SLC16A7: variants seen among roughly 807,000 people sequenced by gnomAD.
The protein encoded by SLC16A7 is solute carrier family 16 member 7.
Under a neutral mutation model 34.9 loss-of-function variants are expected in SLC16A7, and 33 were observed. That is an observed-to-expected ratio of 0.94 (90% confidence interval 0.72 to 1.26). The LOEUF (loss-of-function observed/expected upper bound fraction) is 1.26, where lower values mean the gene tolerates loss of function less well. Among genes scored for constraint, SLC16A7 ranks in the 50% most tolerant of loss-of-function variants. SLC16A7 has a pLI of 0.00. For synonymous variants in SLC16A7, 201 were observed against 206.6 expected, an observed-to-expected ratio of 0.97 and a Z score of 0.23; for missense variants, 573 against 578.1, an observed-to-expected ratio of 0.99 and a Z score of 0.09.
intron 2 of SLC16A7, among the ~76,000 whole-genome samples, chr12:59,684,866 C>G (rs1221851043): frequency 6.6e-6 from 1 of 152,074 alleles, no homozygotes; most frequent in Non-Finnish European, 1.5e-5. Context: ...GGCCAGCCTA[C>G]AGGTCTTTAG....
chr12:59,662,778 G>A (rs1318839929), intron 2 of SLC16A7, among the ~76,000 whole-genome samples: 1 of 152,076 alleles, frequency 6.6e-6, no homozygotes, highest in Non-Finnish European at 1.5e-5. Context: ...TAATGTTAAA[G>A]TCAGTTCATT....
rs577942092 is a variant in SLC16A7, at chr12:59,603,910, A to T, written c.-130+7674A>T. Among the ~76,000 whole-genome samples the T allele has an allele frequency of 1.1e-4, 16 of 152,176 alleles. No individual in the cohort carries two copies. In the East Asian group the frequency reaches 2.3e-3, roughly 22 times the overall value. ...TAAAGGCAGTTCTACTTGTGACTCA[A>T]ATTTTCTTGTTTCTACCTAGGGTCT... On this transcript the variant is annotated intron_variant, in intron 1 of 5. Coordinates refer to ENST00000547379, the MANE Select transcript of SLC16A7 (RefSeq NM_001270623.2).
At chr12:59,603,938 G>C (rs145820164) in intron 1 of SLC16A7, among the ~76,000 whole-genome samples, 41 of 152,246 alleles carry the variant, frequency 2.7e-4, no homozygotes, top group African/African-American at 9.6e-4. Flanking sequence ...TAGGGTCTTT[G>C]TTCAGCTTCC....
intron 1 of SLC16A7, among the ~76,000 whole-genome samples, chr12:59,639,847 G>T (rs1282863676): frequency 6.6e-6 from 1 of 152,116 alleles, no homozygotes; most frequent in African/African-American, 2.4e-5. Flanking sequence ...AGACTCCACA[G>T]GTTAAGGGCT....
At chr12:59,663,301 A>G (rs1234000799) in intron 2 of SLC16A7, among the ~76,000 whole-genome samples, 2 of 151,976 alleles carry the variant, frequency 1.3e-5, no homozygotes, top group African/African-American at 4.8e-5. Flanking sequence ...AATAAATAAC[A>G]TTAACTGAAT....
rs1232899437 is a variant in SLC16A7 at position 59,785,481 on chromosome 12, T to G, written c.*5802T>G. 6.6e-6 allele frequency: 1 copy of G among 152,190 alleles called. No individual in the cohort carries two copies. Among genetic ancestry groups the G allele is most frequent in the Non-Finnish European group, 1.5e-5 (1 of 68,030 alleles). The allele number at this position is 152,190 out of a possible 1,614,324, so 9.4% of individuals were successfully genotyped here. ...GAAGCATATGGGAATTTAGATCAAATTACATCTCCCATCCCAATCTCCTGC... is the reference window on the plus strand; with the variant it reads ...GAAGCATATGGGAATTTAGATCAAAGTACATCTCCCATCCCAATCTCCTGC... On this transcript the variant is annotated 3_prime_UTR_variant, in exon 6 of 6. Coordinates refer to ENST00000547379, the MANE Select transcript of SLC16A7 (RefSeq NM_001270623.2).
At chr12:59,678,089 G>C (rs1870452408) in intron 2 of SLC16A7, among the ~76,000 whole-genome samples, 1 of 152,336 alleles carries the variant, frequency 6.6e-6, no homozygotes, top group South Asian at 2.1e-4. Flanking sequence ...CTCAGCCACT[G>C]TGCAGAGCCA....
Position 59,779,610 on chromosome 12 carries a change from T to C in SLC16A7, c.1368T>C (p.His456=), listed in dbSNP as rs569033686. The change falls in exon 6 of 6, where the codon CAT becomes CAC. Residue 456 remains histidine, a synonymous_variant. Coordinates refer to ENST00000547379, the MANE Select transcript of SLC16A7 (RefSeq NM_001270623.2). ...CTGAACCCTTGAGCAAATCTAAACA[T>C]TCGGAAGATGTTAACGTCAAAGTTT... is the stretch of plus-strand genomic sequence containing the variant. ...RESEPLSKSK[H]SEDVNVKVSN... is the part of the protein sequence containing the mutation. 4.3e-6 allele frequency: 7 copies of C among 1,611,756 alleles called. No homozygotes were observed. The highest frequency in any genetic ancestry group is 2.2e-5 in the South Asian group (2 of 91,012).
chr12:59,671,725 T>C (rs918726702), intron 2 of SLC16A7, among the ~76,000 whole-genome samples: 1 of 146,720 alleles, frequency 6.8e-6, no homozygotes, highest in African/African-American at 2.5e-5. Context: ...TGTATATATA[T>C]GTGTATATAT....
At chr12:59,698,301 C>T (rs1228522339) in intron 2 of SLC16A7, among the ~76,000 whole-genome samples, 1 of 151,632 alleles carries the variant, frequency 6.6e-6, no homozygotes. Context: ...ATGAGATATT[C>T]AAATCTTAGA....
chr12:59,719,443 T>C lies in SLC16A7; in HGVS notation c.217+14425T>C, dbSNP rs562992872. ...GGGCCCAAGAGAAGCTTGAAAAAGA[T>C]CTATTTTATAACATAAGGGAAAAAT... On this transcript the variant is annotated intron_variant, in intron 3 of 5. Coordinates refer to ENST00000547379, the MANE Select transcript of SLC16A7 (RefSeq NM_001270623.2). 1.2e-4 allele frequency among the ~76,000 whole-genome samples: 19 copies of C among 152,176 alleles called. No homozygotes were observed. In the East Asian group the frequency reaches 2.7e-3, roughly 22 times the overall value.
At chr12:59,778,880 C>T (rs1475554589) in intron 5 of SLC16A7, among the ~76,000 whole-genome samples, 1 of 152,106 alleles carries the variant, frequency 6.6e-6, no homozygotes, top group Non-Finnish European at 1.5e-5. Context: ...CTTCACAGTA[C>T]TCCTTGTAAG....
chr12:59,643,874 G>A (rs563436279), intron 1 of SLC16A7, among the ~76,000 whole-genome samples: 2 of 152,082 alleles, frequency 1.3e-5, no homozygotes, highest in East Asian at 1.9e-4. Context: ...ATGTCACATC[G>A]GTATTTCAGT....
chr12:59,687,516 A>T (rs1376380158), intron 2 of SLC16A7, among the ~76,000 whole-genome samples: 2 of 152,090 alleles, frequency 1.3e-5, no homozygotes, highest in Non-Finnish European at 2.9e-5. Context: ...CAGATTCCTC[A>T]CTATTGCCTG....
chr12:59,752,522 G>A lies in SLC16A7; in HGVS notation c.218-18697G>A, dbSNP rs565693461. ...GGGTATCCGTGATGGAAGATGAAAT[G>A]AATGAAATGAAGCAAGAAGGGAAGT... On this transcript the variant is annotated intron_variant, in intron 3 of 5. Transcript: ENST00000547379. Among the ~76,000 whole-genome samples the A allele has an allele frequency of 7.2e-5, 11 of 152,218 alleles. No homozygotes were observed. The South Asian group carries it at 1.2e-3, about 17-fold the overall frequency.
chr12:59,754,107 G>C (rs1302101842), intron 3 of SLC16A7, among the ~76,000 whole-genome samples: 1 of 152,174 alleles, frequency 6.6e-6, no homozygotes, highest in East Asian at 1.9e-4. Context: ...ATTCAAAGCA[G>C]TGTGTAGAGG....
At chr12:59,771,757 T>C (rs987484194) in intron 4 of SLC16A7, among the ~76,000 whole-genome samples, 2 of 152,196 alleles carry the variant, frequency 1.3e-5, no homozygotes, top group Non-Finnish European at 2.9e-5. Context: ...TATCTGACTT[T>C]CCACTCATAA....
chr12:59,698,297 T>G (rs1872540573), intron 2 of SLC16A7, among the ~76,000 whole-genome samples: 1 of 151,818 alleles, frequency 6.6e-6, no homozygotes, highest in Admixed American at 6.6e-5. Context: ...ATAAATGAGA[T>G]ATTCAAATCT....
rs992621108 is a variant in SLC16A7 at position 59,719,951 on chromosome 12, A to C, written c.217+14933A>C. ...GAACCTTAGCTATTATAAACATGCT[A>C]ATCTTCTAAGTAAATATTGGAAACA... On this transcript the variant is annotated intron_variant, in intron 3 of 5. Transcript: ENST00000547379. 8 of 602,140 alleles carry C rather than the reference A, an allele frequency of 1.3e-5. No homozygotes were observed. In the East Asian group the frequency reaches 2.3e-4, roughly 18 times the overall value. The allele number at this position is 602,140 out of a possible 1,614,324, so 37.3% of individuals were successfully genotyped here.
Sources: allele counts gnomAD v4.1 joint callset (sites outside exome capture counted in the v4.1 genomes callset), GRCh38; gene constraint gnomAD v4.1.1; transcripts MANE v1.5; gene names NCBI Gene and HGNC (gene_info 2026-07-23, HGNC 2026-07-21).